Variants in CSMD3 observed in about 807,000 individuals in gnomAD.
CSMD3 encodes the protein CUB and sushi domain-containing protein 3.
CSMD3 carries 177 observed loss-of-function variants against 435.2 expected under a neutral mutation model. The observed-to-expected ratio is 0.41, with a 90% CI of 0.36 to 0.46. CSMD3 has a LOEUF of 0.46. Ranked by LOEUF, CSMD3 falls within the 20% of genes least tolerant of loss-of-function variation. CSMD3 has a pLI of 0.34. For missense variants in CSMD3, 4,265 were observed against 4,504.6 expected (o/e 0.95, Z 1.52); for synonymous variants, 1,656 against 1,520.5 (o/e 1.09, Z -2.07).
At position 112,436,599 on chromosome 8, in the gene CSMD3, A is replaced by G. The variant is rs867774082; in HGVS notation, c.5396-27567T>C. The stretch of plus-strand genomic sequence containing the variant: ...TTTTATGTATATATATGTATACAAA[A>G]AAGTGTATGCATGTATACATATTTG... On this transcript the variant is annotated intron_variant, in intron 32 of 70. Transcript: ENST00000297405. 3.2e-4 allele frequency among the ~76,000 whole-genome samples: 48 copies of G among 151,934 alleles called. 1 individual carries two copies. The Middle Eastern group carries it at 0.017, about 54-fold the overall frequency.
chr8:112,293,275 T>A, intron 54 of CSMD3, among the ~76,000 whole-genome samples: 1 of 152,014 alleles, frequency 6.6e-6, no homozygotes, highest in East Asian at 1.9e-4. Context: ...GATGACAGAA[T>A]GAGATCTTGT....
At chr8:112,714,717 A>T (rs1338415959) in intron 13 of CSMD3, among the ~76,000 whole-genome samples, 1 of 152,192 alleles carries the variant, frequency 6.6e-6, no homozygotes, top group Non-Finnish European at 1.5e-5. Flanking sequence ...AAATAATAAA[A>T]AACAGTCTCT....
chr8:112,388,293 A>G (rs1223384395), intron 36 of CSMD3, among the ~76,000 whole-genome samples: 1 of 152,174 alleles, frequency 6.6e-6, no homozygotes, highest in Middle Eastern at 3.2e-3. Flanking sequence ...AGATACAAGA[A>G]AATGATAGTA....
In CSMD3 at chr8:112,486,141, A is replaced by T. The variant is rs1049598647; in HGVS notation, c.5278+6348T>A. ...TTTTTTTTTTTTGGTAGGAATTTAC[A>T]TTCTCTTAATTCTCATACTTAGCCT... On this transcript the variant is annotated intron_variant, in intron 31 of 70. Coordinates refer to ENST00000297405, the MANE Select transcript of CSMD3 (RefSeq NM_198123.2). Among the ~76,000 whole-genome samples, 11 of 151,142 alleles carry T rather than the reference A, an allele frequency of 7.3e-5. No homozygotes were observed. The East Asian group carries it at 1.9e-3, about 27-fold the overall frequency.
At chr8:113,228,631 C>A (rs1189123261) in intron 3 of CSMD3, among the ~76,000 whole-genome samples, 1 of 151,342 alleles carries the variant, frequency 6.6e-6, no homozygotes, top group Non-Finnish European at 1.5e-5. Context: ...TATAAACATC[C>A]TCCTCCTTCT....
intron 3 of CSMD3, among the ~76,000 whole-genome samples, chr8:113,235,206 C>T (rs2132211785): frequency 6.6e-6 from 1 of 152,202 alleles, no homozygotes; most frequent in South Asian, 2.1e-4. Context: ...TGCATTTAGG[C>T]ATGTTTCCTT....
intron 23 of CSMD3, among the ~76,000 whole-genome samples, chr8:112,585,879 A>G (rs535107769): frequency 6.6e-6 from 1 of 151,756 alleles, no homozygotes; most frequent in African/African-American, 2.4e-5. Flanking sequence ...ATTAATCTCA[A>G]TGTTGGCTCC....
At position 113,272,032 on chromosome 8, in the gene CSMD3, T is replaced by C. The variant is rs542957702; in HGVS notation, c.514+6560A>G. On this transcript the variant is annotated intron_variant, in intron 3 of 70. Coordinates refer to ENST00000297405, the MANE Select transcript of CSMD3 (RefSeq NM_198123.2). ...TGCATGGGCCTTGTAACCCCTTTGTTATGGACAATTTCTCCCATTTGGAAT... is the reference window on the plus strand; with the variant it reads ...TGCATGGGCCTTGTAACCCCTTTGTCATGGACAATTTCTCCCATTTGGAAT... Among the ~76,000 whole-genome samples, 4 of 152,264 alleles carry C rather than the reference T, an allele frequency of 2.6e-5. No homozygotes were observed. The South Asian group carries it at 8.3e-4, about 32-fold the overall frequency.
At chr8:112,963,269 T>C (rs1363979472) in intron 7 of CSMD3, among the ~76,000 whole-genome samples, 1 of 151,980 alleles carries the variant, frequency 6.6e-6, no homozygotes, top group African/African-American at 2.4e-5. Flanking sequence ...GCTGCTACCA[T>C]AGGTTACAGC....
At chr8:113,384,032 A>G (rs2133117565) in intron 1 of CSMD3, among the ~76,000 whole-genome samples, 1 of 152,292 alleles carries the variant, frequency 6.6e-6, no homozygotes, top group South Asian at 2.1e-4. Context: ...TGGAATACAC[A>G]AATTTATAGG....
chr8:112,352,490 C>T lies in CSMD3; in HGVS notation c.6181G>A (p.Gly2061Arg), dbSNP rs2131063551. Reference sequence around the variant, plus strand: ...ATATATCTGTCTCCAATTTTAATTCCACTGCTAGGAGTTTGTGGTTCAGGA... The same window carrying T: ...ATATATCTGTCTCCAATTTTAATTCTACTGCTAGGAGTTTGTGGTTCAGGA... ...SCPEPQTPSS[G>R]IKIGDRYMVG... The change falls in exon 39 of 71, where the codon GGA (glycine) becomes AGA (arginine). Residue 2061 changes from glycine to arginine, a missense_variant. Physicochemically the swap from Gly to Arg is moderately radical, Grantham distance 125. This residue lies in a region of CSMD3 where 3,255 missense variants were observed against 3,380.2 expected (regional missense o/e 0.96). Transcript: ENST00000297405. The T allele has an allele frequency of 6.2e-7, 1 of 1,613,580 alleles. No individual in the cohort carries two copies. The highest frequency in any genetic ancestry group is 8.5e-7 in the Non-Finnish European group (1 of 1,179,718).
chr8:112,321,668 A>C (rs1823006974), intron 45 of CSMD3, among the ~76,000 whole-genome samples: 1 of 152,066 alleles, frequency 6.6e-6, no homozygotes, highest in Admixed American at 6.6e-5. Flanking sequence ...TGAAACAACC[A>C]AAAAAATCGT....
At chr8:112,945,588 A>ATATGTGTG (rs112339651) in intron 9 of CSMD3, among the ~76,000 whole-genome samples, 7 of 140,586 alleles carry the variant, frequency 5.0e-5, no homozygotes, top group Non-Finnish European at 1.1e-4. Context: ...ATACAGAAAT[A>ATATGTGTG]TGTGTGTGTG....
intron 23 of CSMD3, among the ~76,000 whole-genome samples, chr8:112,583,783 A>G (rs1217959947): frequency 6.6e-6 from 1 of 151,940 alleles, no homozygotes; most frequent in African/African-American, 2.4e-5. Context: ...CCATTAAGTA[A>G]GCAAATTGAA....
chr8:113,184,217 G>T (rs1435344191), intron 3 of CSMD3, among the ~76,000 whole-genome samples: 2 of 151,948 alleles, frequency 1.3e-5, no homozygotes, highest in African/African-American at 2.4e-5. Context: ...TCCCTCCCTG[G>T]AAGTGCCACC....
chr8:112,874,724 C>T (rs188061963), intron 10 of CSMD3, among the ~76,000 whole-genome samples: 1 of 151,928 alleles, frequency 6.6e-6, no homozygotes. Flanking sequence ...GGATTGCAAC[C>T]CCTGCTTTTT....
At chr8:112,807,673 C>G (rs2079125073) in intron 12 of CSMD3, among the ~76,000 whole-genome samples, 1 of 152,102 alleles carries the variant, frequency 6.6e-6, no homozygotes, top group African/African-American at 2.4e-5. Flanking sequence ...ACTGTCCTGT[C>G]AGATCAGTAA....
At chr8:112,957,079 A>G (rs540507702) in intron 7 of CSMD3, among the ~76,000 whole-genome samples, 2 of 152,062 alleles carry the variant, frequency 1.3e-5, no homozygotes, top group Non-Finnish European at 2.9e-5. Context: ...TAAATAAATT[A>G]AAAAAATAAA....
chr8:112,811,570 A>G (rs1182100031), intron 12 of CSMD3, among the ~76,000 whole-genome samples: 2 of 152,106 alleles, frequency 1.3e-5, no homozygotes, highest in Admixed American at 1.3e-4. Flanking sequence ...GATTATTATA[A>G]AGATAGAAGT....
Sources: allele counts gnomAD v4.1 joint callset (sites outside exome capture counted in the v4.1 genomes callset), GRCh38; gene constraint gnomAD v4.1.1; regional missense constraint gnomAD v4.1.1; transcripts MANE v1.5; gene names NCBI Gene and HGNC (gene_info 2026-07-23, HGNC 2026-07-21).